The following CTNNA2 variants were observed in gnomAD, a reference collection of about 807,000 sequenced individuals.
The protein encoded by CTNNA2 is catenin alpha-2.
CTNNA2 carries 42 observed loss-of-function variants against 101.0 expected under a neutral mutation model. The ratio of observed to expected loss-of-function variants is 0.42; its 90% CI spans 0.32 to 0.54. The LOEUF (loss-of-function observed/expected upper bound fraction) is 0.54. Among genes scored for constraint, CTNNA2 ranks in the 20% least tolerant of loss-of-function variants. The pLI, the probability that CTNNA2 is intolerant of heterozygous loss-of-function variation, is 0.14. For synonymous variants in CTNNA2, 450 were observed against 456.4 expected (o/e 0.99, Z 0.18); for missense variants, 871 against 1,223.1 (o/e 0.71, Z 4.29).
At chr2:79,503,961 G>A (rs1465761610) in intron 4 of CTNNA2, among the ~76,000 whole-genome samples, 2 of 152,088 alleles carry the variant, frequency 1.3e-5, no homozygotes, top group Non-Finnish European at 2.9e-5. Context: ...AATTATATCT[G>A]GAATGAAGGA....
chr2:79,234,846 T>C (rs1239439631), intron 2 of CTNNA2, among the ~76,000 whole-genome samples: 1 of 152,198 alleles, frequency 6.6e-6, no homozygotes, highest in African/African-American at 2.4e-5. Context: ...AATTGTGTTG[T>C]GGAATTCTTG....
intron 1 of CTNNA2, among the ~76,000 whole-genome samples, chr2:79,557,406 G>A (rs1674512212): frequency 1.3e-5 from 2 of 151,956 alleles, no homozygotes; most frequent in South Asian, 2.1e-4. Context: ...GAGACATCTT[G>A]GAGGAGCTAG....
In CTNNA2 at chr2:79,648,906, C is replaced by T. The variant is rs371209095; in HGVS notation, c.-5-2646C>T. Among the ~76,000 whole-genome samples the T allele has an allele frequency of 1.9e-4, 29 of 152,214 alleles. No homozygotes were observed. In the South Asian group the frequency reaches 3.9e-3, roughly 21 times the overall value. ...TTTTTCCACTTCAACAAATTAGTAC[C>T]GTGTAACCTTTTCTTTGCTACTGAA... On this transcript the variant is annotated intron_variant, in intron 1 of 18. Transcript: ENST00000402739.
intron 8 of CTNNA2, among the ~76,000 whole-genome samples, chr2:80,401,869 G>A (rs1238877971): frequency 2.0e-5 from 3 of 151,990 alleles, no homozygotes; most frequent in African/African-American, 7.2e-5. Flanking sequence ...AACGTATGCG[G>A]TATGATTTTC....
intron 7 of CTNNA2, among the ~76,000 whole-genome samples, chr2:80,222,788 A>G (rs187672629): frequency 6.6e-6 from 1 of 152,316 alleles, no homozygotes; most frequent in Admixed American, 6.5e-5. Flanking sequence ...ATAATCTCAA[A>G]TCCCACCAAA....
intron 2 of CTNNA2, among the ~76,000 whole-genome samples, chr2:79,727,568 T>A (rs1686925325): frequency 6.6e-6 from 1 of 152,016 alleles, no homozygotes; most frequent in Admixed American, 6.6e-5. Context: ...TTTCTTTTTT[T>A]ATTTTATTTT....
At chr2:79,268,540 G>A (rs138480932) in intron 2 of CTNNA2, among the ~76,000 whole-genome samples, 2 of 152,096 alleles carry the variant, frequency 1.3e-5, no homozygotes, top group African/African-American at 4.8e-5. Context: ...GGGGGTGAGG[G>A]GAACCCCAAT....
chr2:80,424,105 G>A (rs1447438413), intron 9 of CTNNA2, among the ~76,000 whole-genome samples: 6 of 152,114 alleles, frequency 3.9e-5, no homozygotes, highest in Admixed American at 1.3e-4. Flanking sequence ...ACAGGCACCC[G>A]CCAGCAGGCC....
intron 2 of CTNNA2, among the ~76,000 whole-genome samples, chr2:79,653,347 A>G (rs1461347466): frequency 1.3e-5 from 2 of 152,142 alleles, no homozygotes; most frequent in Non-Finnish European, 2.9e-5. Flanking sequence ...TGCCTGTATC[A>G]GTCCAAGCTG....
intron 2 of CTNNA2, among the ~76,000 whole-genome samples, chr2:79,234,228 C>T (rs1173041551): frequency 6.6e-6 from 1 of 151,724 alleles, no homozygotes; most frequent in East Asian, 1.9e-4. Context: ...TAAGAGTGGT[C>T]TGTTAATAAC....
chr2:79,940,853 A>G (rs1688109016), intron 7 of CTNNA2, among the ~76,000 whole-genome samples: 1 of 152,240 alleles, frequency 6.6e-6, no homozygotes. Flanking sequence ...GCATGAAAAG[A>G]GAAACAGAAT....
intron 2 of CTNNA2, among the ~76,000 whole-genome samples, chr2:79,726,623 A>G (rs568851134): frequency 7.9e-5 from 12 of 152,326 alleles, no homozygotes; most frequent in South Asian, 6.2e-4. Context: ...ATTGTTGCCC[A>G]TGAAACTGGT....
At position 79,283,574 on chromosome 2, in the gene CTNNA2, T is replaced by C. The variant is rs1376872137; in HGVS notation, c.-405-29135T>C. Among the ~76,000 whole-genome samples the C allele has an allele frequency of 2.1e-5, 3 of 141,826 alleles. 1 individual carries two copies. The highest frequency in any genetic ancestry group is 3.1e-5 in the Non-Finnish European group (2 of 63,836). The allele number at this position is 141,826 out of a possible 152,430, so 93.0% of individuals were successfully genotyped here. A position where few individuals can be genotyped will look rare whatever the true frequency, so the allele number is the denominator to read the frequency against. Reference sequence around the variant, plus strand: ...GTCAAAGATCAGATAGTTGTAGATATGCGGCGTTATTTCTGAGGGCTCTGT... The same window carrying C: ...GTCAAAGATCAGATAGTTGTAGATACGCGGCGTTATTTCTGAGGGCTCTGT... On this transcript the variant is annotated intron_variant, in intron 2 of 21. Coordinates refer to the CTNNA2 transcript ENST00000466387.
chr2:79,643,117 G>A (rs969016699), intron 1 of CTNNA2, among the ~76,000 whole-genome samples: 1 of 152,112 alleles, frequency 6.6e-6, no homozygotes, highest in African/African-American at 2.4e-5. Context: ...CTTGAACTGG[G>A]GAGGCGGGGG....
chr2:79,204,726 T>C (rs1233289920), intron 2 of CTNNA2, among the ~76,000 whole-genome samples: 1 of 152,214 alleles, frequency 6.6e-6, no homozygotes, highest in East Asian at 1.9e-4. Flanking sequence ...TTCAGTTATT[T>C]GGTGAGGGCT....
intron 1 of CTNNA2, chr2:79,548,033 GTAC>G (rs1218692077): frequency 6.6e-6 from 1 of 152,206 alleles, no homozygotes; most frequent in Non-Finnish European, 1.5e-5. Context: ...ACCAAGGGAT[GTAC>G]TATAAGTAAG....
At chr2:80,293,073 T>G (rs6718055) in intron 7 of CTNNA2, among the ~76,000 whole-genome samples, 83,464 of 152,118 alleles carry the variant, frequency 0.55, 24,110 homozygotes, top group African/African-American at 0.75. Context: ...AGTCTCAGTT[T>G]CAGGGAAATA....
intron 2 of CTNNA2, among the ~76,000 whole-genome samples, chr2:79,205,069 A>C (rs576088888): frequency 6.6e-6 from 1 of 152,364 alleles, no homozygotes; most frequent in African/African-American, 2.4e-5. Context: ...CTTCTGAATA[A>C]TAGGATGCAA....
chr2:80,163,123 G>A, intron 7 of CTNNA2: 1 of 1,575,480 alleles, frequency 6.3e-7, no homozygotes, highest in Non-Finnish European at 8.7e-7. Context: ...TTATCTTTTG[G>A]AATTTCACCT....
Sources: allele counts gnomAD v4.1 joint callset (sites outside exome capture counted in the v4.1 genomes callset), GRCh38; gene constraint gnomAD v4.1.1; transcripts MANE v1.5; gene names NCBI Gene and HGNC (gene_info 2026-07-23, HGNC 2026-07-21).